The following SOX6 variants were observed in gnomAD, a reference collection of about 807,000 sequenced individuals.
SOX6 encodes the protein transcription factor SOX-6.
In SOX6, 11 loss-of-function variants were observed where a neutral mutation model predicts 97.8. The ratio of observed to expected loss-of-function variants is 0.11; its 90% CI spans 0.07 to 0.19. SOX6 has a LOEUF of 0.19. Ranked by LOEUF, SOX6 falls within the 10% of genes least tolerant of loss-of-function variation. The probability of loss-of-function intolerance (pLI) is 1.00; values close to 1 mark genes in which losing one functional copy is unlikely to be tolerated. For missense variants in SOX6, 810 were observed against 1,039.5 expected (o/e 0.78, Z 3.04); for synonymous variants, 360 against 371.4 (o/e 0.97, Z 0.35).
intron 12 of SOX6, among the ~76,000 whole-genome samples, chr11:16,039,056 G>A (rs1025842374): frequency 1.3e-5 from 2 of 152,056 alleles, no homozygotes; most frequent in South Asian, 2.1e-4. Context: ...GCTCACAATC[G>A]AGTCTGTGGC....
intron 1 of SOX6, among the ~76,000 whole-genome samples, chr11:16,376,946 A>C (rs1466394039): frequency 6.6e-6 from 1 of 152,004 alleles, no homozygotes; most frequent in Non-Finnish European, 1.5e-5. Flanking sequence ...AAGAAAATAA[A>C]AAAAAGAAAG....
chr11:16,637,509 A>G (rs1848808308), intron 3 of SOX6, among the ~76,000 whole-genome samples: 2 of 152,190 alleles, frequency 1.3e-5, no homozygotes, highest in South Asian at 4.1e-4. Context: ...ATGAGCCACC[A>G]CACCCAGCTT....
intron 1 of SOX6, among the ~76,000 whole-genome samples, chr11:16,385,052 C>T (rs1011590947): frequency 6.6e-6 from 1 of 152,026 alleles, no homozygotes; most frequent in Non-Finnish European, 1.5e-5. Flanking sequence ...GCACAAAGTA[C>T]TAACTAGGAC....
intron 3 of SOX6, among the ~76,000 whole-genome samples, chr11:16,657,871 C>T (rs1847735669): frequency 1.3e-5 from 2 of 152,096 alleles, no homozygotes; most frequent in Non-Finnish European, 2.9e-5. Context: ...TATGAAGGTT[C>T]TGCAACATGC....
At chr11:16,305,487 A>T (rs1409388846) in intron 3 of SOX6, among the ~76,000 whole-genome samples, 1 of 152,236 alleles carries the variant, frequency 6.6e-6, no homozygotes, top group Non-Finnish European at 1.5e-5. Flanking sequence ...GCTACTCTGA[A>T]ATACAGTGTG....
chr11:16,086,744 G>A (rs572059619), intron 9 of SOX6, among the ~76,000 whole-genome samples: 4 of 152,210 alleles, frequency 2.6e-5, no homozygotes, highest in African/African-American at 4.8e-5. Flanking sequence ...GGAAAGCCAC[G>A]GAATAAGATA....
At chr11:16,649,184 G>C (rs1035447740) in intron 3 of SOX6, among the ~76,000 whole-genome samples, 2 of 152,128 alleles carry the variant, frequency 1.3e-5, no homozygotes, top group African/African-American at 2.4e-5. Context: ...CTAGAAGTTT[G>C]GAAAACTTAT....
chr11:16,595,535 G>T (rs1848202809), intron 4 of SOX6, among the ~76,000 whole-genome samples: 1 of 150,620 alleles, frequency 6.6e-6, no homozygotes, highest in African/African-American at 2.5e-5. Flanking sequence ...ATCTTTGGAA[G>T]GCCAAGTCAG....
At chr11:16,146,871 G>A (rs1221056692) in intron 6 of SOX6, among the ~76,000 whole-genome samples, 4 of 152,294 alleles carry the variant, frequency 2.6e-5, no homozygotes, top group East Asian at 1.9e-4. Context: ...TAGAGAGGAT[G>A]TGGAGAAATA....
chr11:16,285,263 T>C (rs954226836), intron 3 of SOX6, among the ~76,000 whole-genome samples: 1 of 152,202 alleles, frequency 6.6e-6, no homozygotes, highest in African/African-American at 2.4e-5. Context: ...GCAGGTGCAG[T>C]GGCTCATGCC....
intron 4 of SOX6, among the ~76,000 whole-genome samples, chr11:16,503,056 T>C (rs1386103269): frequency 6.6e-6 from 1 of 152,064 alleles, no homozygotes; most frequent in Non-Finnish European, 1.5e-5. Flanking sequence ...TGGGATAATA[T>C]ATTCAAAATG....
intron 12 of SOX6, among the ~76,000 whole-genome samples, chr11:16,032,247 G>C (rs1202434215): frequency 1.3e-5 from 2 of 152,070 alleles, no homozygotes; most frequent in Non-Finnish European, 2.9e-5. Context: ...AATTTATATA[G>C]AGCAGAGCTG....
At chr11:16,012,777 C>T (rs1229211213) in intron 13 of SOX6, among the ~76,000 whole-genome samples, 1 of 151,922 alleles carries the variant, frequency 6.6e-6, no homozygotes, top group Non-Finnish European at 1.5e-5. Flanking sequence ...CCTCAGTTTT[C>T]TCACCTGTAA....
chr11:16,541,909 T>C (rs1203633046), intron 4 of SOX6, among the ~76,000 whole-genome samples: 2 of 152,224 alleles, frequency 1.3e-5, no homozygotes, highest in African/African-American at 2.4e-5. Flanking sequence ...AGTGTGACGA[T>C]TCCTCAAGGA....
chr11:16,600,739 C>G (rs1270610649), intron 4 of SOX6, among the ~76,000 whole-genome samples: 1 of 152,100 alleles, frequency 6.6e-6, no homozygotes, highest in Non-Finnish European at 1.5e-5. Flanking sequence ...TTACCCTTTT[C>G]CACAGAACAA....
At chr11:16,015,201 T>C in intron 12 of SOX6, 151 bp from the exon 13 acceptor site, 1 of 718,096 alleles carries the variant, frequency 1.4e-6, no homozygotes, top group Non-Finnish European at 2.4e-6. Flanking sequence ...GAAGATTCCG[T>C]TGAAAGCTGT....
chr11:16,702,121 C>T (rs1051831914), intron 3 of SOX6, among the ~76,000 whole-genome samples: 11 of 152,040 alleles, frequency 7.2e-5, no homozygotes, highest in African/African-American at 2.4e-4. Flanking sequence ...ATAGAGTGAA[C>T]GAATTTTTAT....
At chr11:16,128,184 T>C (rs1310926802) in intron 6 of SOX6, among the ~76,000 whole-genome samples, 1 of 152,208 alleles carries the variant, frequency 6.6e-6, no homozygotes, top group East Asian at 1.9e-4. Flanking sequence ...TTTCAACATA[T>C]GTTCAAGAGA....
rs1564936892 is a variant in SOX6, at chr11:16,069,650, A to T, written c.1102-13749T>A. On this transcript the variant is annotated intron_variant, in intron 9 of 15. Transcript: ENST00000683767. ...CATGTTAAGGTGTTTTCAGATTTTT[A>T]AAATTAAAGTTTATGCAAATACACA... Among the ~76,000 whole-genome samples the T allele has an allele frequency of 3.3e-5, 5 of 152,210 alleles. 1 individual carries two copies. The highest frequency in any genetic ancestry group is 5.9e-5 in the Non-Finnish European group (4 of 68,022).
Sources: allele counts gnomAD v4.1 joint callset (sites outside exome capture counted in the v4.1 genomes callset), GRCh38; gene constraint gnomAD v4.1.1; transcripts MANE v1.5; gene names NCBI Gene and HGNC (gene_info 2026-07-23, HGNC 2026-07-21).